Variants in DDX59 observed in about 807,000 individuals in gnomAD.
The protein encoded by DDX59 is probable ATP-dependent RNA helicase DDX59.
DDX59 carries 30 observed loss-of-function variants against 51.9 expected under a neutral mutation model. That is an observed-to-expected ratio of 0.58 (90% CI 0.43 to 0.78). DDX59 has a LOEUF of 0.78. DDX59 is among the 30% of genes least tolerant of loss of function. The pLI, the probability that DDX59 is intolerant of heterozygous loss-of-function variation, is 0.00. For missense variants in DDX59, 672 were observed against 730.8 expected, an observed-to-expected ratio of 0.92 and a Z score of 0.93; for synonymous variants, 255 against 253.3, an observed-to-expected ratio of 1.01 and a Z score of -0.06.
At position 200,644,332 on chromosome 1, in the gene DDX59, C is replaced by A; in HGVS notation, c.1782G>T (p.Gln594His). 6.2e-7 allele frequency: 1 copy of A among 1,613,568 alleles called. No homozygotes were observed. The stretch of plus-strand genomic sequence containing the variant: ...CTCCTGTAACCAGATCATTCTGTGT[C>A]TGTTTATCTTTCTGTTGTTCCTTTC... Reference protein sequence around the residue: ...QKRKEQQKDKQTQNDLVTGAN... With the variant: ...QKRKEQQKDKHTQNDLVTGAN... Residue 594 changes from glutamine to histidine, a missense_variant, in exon 8 of 8, where the codon CAG becomes CAT. Physicochemically the swap from Gln to His is conservative, Grantham distance 24. Coordinates refer to ENST00000331314, the MANE Select transcript of DDX59 (RefSeq NM_001031725.6).
At chr1:200,649,008 T>C in intron 6 of DDX59, 66 bp downstream of exon 6, 2 of 1,431,448 alleles carry the variant, frequency 1.4e-6, no homozygotes, top group Non-Finnish European at 1.9e-6. Context: ...TGTAATATGG[T>C]TATCTCTTGA....
In DDX59 at chr1:200,666,661, G is replaced by A; in HGVS notation, c.80C>T (p.Pro27Leu). ...GTCCAACTGAAGGTCTTCTGGGTCT[G>A]GTTTAATTATCTTAGCCACACAACT... ...GKSCVAKIIK[P>L]DPEDLQLDKS... Residue 27 changes from proline to leucine, a missense_variant, in exon 2 of 8, where the codon CCA (proline) becomes CTA (leucine). Pro to Leu is a moderately conservative substitution (Grantham distance 98). Transcript: ENST00000331314. 1.2e-6 allele frequency: 2 copies of A among 1,614,106 alleles called. No homozygotes were observed. Among genetic ancestry groups the A allele is most frequent in the Non-Finnish European group, 1.7e-6 (2 of 1,180,022 alleles).
downstream of DDX59, chr1:200,640,999 G>A (rs1284071087): frequency 3.3e-6 from 1 of 305,380 alleles, no homozygotes; most frequent in Non-Finnish European, 7.0e-6. Context: ...CCATTGGTTG[G>A]TTTTCACACT....
chr1:200,647,190 T>C (rs779126692), intron 7 of DDX59, among the ~76,000 whole-genome samples: 5 of 152,284 alleles, frequency 3.3e-5, no homozygotes, highest in Admixed American at 6.5e-5. Context: ...CTTGAAGAGT[T>C]TGTAAGGGAA....
chr1:200,665,483 C>CAAA (rs369902325), intron 2 of DDX59, among the ~76,000 whole-genome samples: 1 of 88,146 alleles, frequency 1.1e-5, no homozygotes, highest in Admixed American at 1.2e-4. Context: ...AACTCGGTCC[C>CAAA]AAAAAAAGAA....
intron 3 of DDX59, among the ~76,000 whole-genome samples, chr1:200,659,757 G>A (rs1662260987): frequency 6.6e-6 from 1 of 152,098 alleles, no homozygotes; most frequent in Non-Finnish European, 1.5e-5. Flanking sequence ...GGGAGTGCGT[G>A]GCTCACTGTA....
chr1:200,666,160 T>G lies in DDX59; in HGVS notation c.581A>C (p.Gln194Pro). 6.2e-7 allele frequency: 1 copy of G among 1,614,210 alleles called. No individual in the cohort carries two copies. The highest frequency in any genetic ancestry group is 8.5e-7 in the Non-Finnish European group (1 of 1,180,044). Residue 194 changes from glutamine (Q) to proline (P), a missense_variant, in exon 2 of 8, where the codon CAA becomes CCA. Coordinates refer to ENST00000331314, the MANE Select transcript of DDX59 (RefSeq NM_001031725.6). ...AATGGGCCTGGTGACTTCTTGCCCTTGAACTAAAATTCCCAGCTGCTGTTT... is the reference window on the plus strand; with the variant it reads ...AATGGGCCTGGTGACTTCTTGCCCTGGAACTAAAATTCCCAGCTGCTGTTT... ...NLKQQLGILV[Q>P]GQEVTRPIID...
chr1:200,652,667 ATTTTT>A (rs10590500), intron 4 of DDX59, among the ~76,000 whole-genome samples: 15 of 117,128 alleles, frequency 1.3e-4, no homozygotes, highest in Non-Finnish European at 1.4e-4. Flanking sequence ...CATAAAAAGC[ATTTTT>A]TTTTTTTTTT....
intron 7 of DDX59, among the ~76,000 whole-genome samples, chr1:200,644,879 GA>G (rs1406570695): frequency 2.0e-5 from 1 of 50,328 alleles, no homozygotes; most frequent in Non-Finnish European, 3.5e-5. Flanking sequence ...CTGGGTGGCA[GA>G]AAAAGACTCC....
chr1:200,643,971 T>G, downstream of DDX59: 1 of 291,000 alleles, frequency 3.4e-6, no homozygotes, highest in Non-Finnish European at 5.1e-6. Flanking sequence ...AGAGTCTTTG[T>G]GGAGGTTTCT....
At chr1:200,647,107 C>T (rs917321333) in intron 7 of DDX59, among the ~76,000 whole-genome samples, 2 of 152,176 alleles carry the variant, frequency 1.3e-5, no homozygotes, top group African/African-American at 4.8e-5. Context: ...AAGGCACTAA[C>T]GGCGTTTCAG....
intron 4 of DDX59, among the ~76,000 whole-genome samples, chr1:200,651,367 G>T (rs527732205): frequency 1.2e-3 from 184 of 152,210 alleles, no homozygotes; most frequent in Middle Eastern, 0.01. Context: ...AAGCCTTTAG[G>T]GGGTGATTAA....
chr1:200,654,699 A>G (rs1661901936), intron 4 of DDX59: 1 of 152,800 alleles, frequency 6.5e-6, no homozygotes, highest in Non-Finnish European at 1.5e-5. Flanking sequence ...AAGAAGGAAG[A>G]GCAGGTAGAA....
downstream of DDX59, chr1:200,641,027 G>A (rs1661033209): frequency 2.4e-6 from 1 of 423,202 alleles, no homozygotes; most frequent in African/African-American, 2.0e-5. Context: ...TAGAGCCTCT[G>A]AGGTCATTGT....
intron 7 of DDX59, among the ~76,000 whole-genome samples, chr1:200,647,777 G>GC (rs1480673475): frequency 6.6e-6 from 1 of 151,598 alleles, no homozygotes; most frequent in Non-Finnish European, 1.5e-5. Flanking sequence ...TTTGAGACCA[G>GC]CCTAGCCAAC....
At chr1:200,652,807 C>T (rs1384322845) in intron 4 of DDX59, among the ~76,000 whole-genome samples, 1 of 144,270 alleles carries the variant, frequency 6.9e-6, no homozygotes, top group Non-Finnish European at 1.6e-5. Context: ...TAGCTGGGAC[C>T]ACAGGTGTGA....
intron 4 of DDX59, among the ~76,000 whole-genome samples, chr1:200,657,250 A>T (rs990920652): frequency 0.016 from 11 of 708 alleles, no homozygotes; most frequent in African/African-American, 0.021. Context: ...AACTGTCTAC[A>T]AAAAAAAAAA....
chr1:200,646,506 A>T (rs1048797890), intron 7 of DDX59, among the ~76,000 whole-genome samples: 6 of 152,264 alleles, frequency 3.9e-5, no homozygotes, highest in African/African-American at 1.2e-4. Context: ...TAAGTACATG[A>T]CATAATGTTC....
rs756840166 is a variant in DDX59, at chr1:200,659,064, A to G, written c.1025T>C (p.Val342Ala). ...RLLDIIKQSS[V>A]ELCGVKIVVV... The stretch of plus-strand genomic sequence containing the variant: ...CACAATCTTTACACCACAGAGTTCT[A>G]CAGAGCTCTGCTTTATTATATCCAG... The change falls in exon 4 of 8, where the codon GTA (valine) becomes GCA (alanine). Residue 342 changes from valine to alanine, a missense_variant. Coordinates refer to ENST00000331314, the MANE Select transcript of DDX59 (RefSeq NM_001031725.6). 13 of 1,613,816 alleles carry G rather than the reference A, an allele frequency of 8.1e-6. No homozygotes were observed. The East Asian group carries it at 2.7e-4, about 33-fold the overall frequency.
Sources: allele counts gnomAD v4.1 joint callset (sites outside exome capture counted in the v4.1 genomes callset), GRCh38; gene constraint gnomAD v4.1.1; transcripts MANE v1.5; gene names NCBI Gene and HGNC (gene_info 2026-07-23, HGNC 2026-07-21).